CCSER1: variants seen among roughly 807,000 people sequenced by gnomAD.
The protein encoded by CCSER1 is coiled-coil serine rich protein 1.
A neutral mutation model predicts 82.0 loss-of-function variants in CCSER1; 41 were observed. The ratio of observed to expected loss-of-function variants is 0.50; its 90% CI spans 0.39 to 0.65. CCSER1 has a LOEUF of 0.65. CCSER1 is among the 30% of genes least tolerant of loss of function. CCSER1 has a pLI of 0.00. For synonymous variants in CCSER1, 414 were observed against 383.9 expected (o/e 1.08, Z -0.92); for missense variants, 1,119 against 1,064.2 (o/e 1.05, Z -0.72).
chr4:91,328,733 A>G lies in CCSER1; in HGVS notation c.2217+242739A>G, dbSNP rs764106526. Reference sequence around the variant, plus strand: ...ACCTGGGAATGTAGACACAATGCATATTTATTTTATTTTGTATGTTATTAT... The same window carrying G: ...ACCTGGGAATGTAGACACAATGCATGTTTATTTTATTTTGTATGTTATTAT... On this transcript the variant is annotated intron_variant, in intron 10 of 10. Transcript: ENST00000509176. 7.2e-4 allele frequency among the ~76,000 whole-genome samples: 110 copies of G among 152,128 alleles called. 2 individuals are homozygous for G. The highest frequency in any genetic ancestry group is 5.9e-4 in the Admixed American group (9 of 15,266).
intron 10 of CCSER1, among the ~76,000 whole-genome samples, chr4:91,466,367 G>A (rs1429095071): frequency 2.0e-5 from 3 of 152,074 alleles, no homozygotes; most frequent in African/African-American, 7.2e-5. Context: ...AATAATAAGA[G>A]CTATTTGTGA....
At chr4:90,607,701 T>G (rs1249382876) in intron 5 of CCSER1, among the ~76,000 whole-genome samples, 1 of 152,206 alleles carries the variant, frequency 6.6e-6, no homozygotes, top group African/African-American at 2.4e-5. Flanking sequence ...CAATGACTCT[T>G]TTCCCAAATA....
intron 8 of CCSER1, among the ~76,000 whole-genome samples, chr4:90,860,439 T>G (rs1764950317): frequency 6.6e-6 from 1 of 151,642 alleles, no homozygotes; most frequent in Non-Finnish European, 1.5e-5. Flanking sequence ...GGAAAAAGTT[T>G]TAATTTTTAA....
intron 4 of CCSER1, among the ~76,000 whole-genome samples, chr4:90,439,360 C>G (rs896910056): frequency 5.9e-5 from 9 of 152,084 alleles, no homozygotes; most frequent in African/African-American, 2.2e-4. Context: ...ACACGCATTT[C>G]TAATTTTATT....
chr4:90,132,275 A>G (rs1449280453), intron 1 of CCSER1, among the ~76,000 whole-genome samples: 4 of 152,146 alleles, frequency 2.6e-5, no homozygotes, highest in South Asian at 4.1e-4. Flanking sequence ...CGATAATGTA[A>G]TCTCGTCCAC....
At chr4:90,343,511 G>T (rs1199328565) in intron 3 of CCSER1, among the ~76,000 whole-genome samples, 1 of 152,176 alleles carries the variant, frequency 6.6e-6, no homozygotes, top group Non-Finnish European at 1.5e-5. Flanking sequence ...CAGCTCCTCA[G>T]GAGGCTGAGG....
chr4:90,408,655 A>T (rs1754148131), intron 4 of CCSER1, among the ~76,000 whole-genome samples: 1 of 152,298 alleles, frequency 6.6e-6, no homozygotes, highest in South Asian at 2.1e-4. Context: ...TCAAAGACCA[A>T]AGGTAGATAA....
intron 7 of CCSER1, among the ~76,000 whole-genome samples, chr4:90,799,015 C>T (rs1756422501): frequency 6.6e-6 from 1 of 152,200 alleles, no homozygotes; most frequent in African/African-American, 2.4e-5. Context: ...GCAGCTGCAG[C>T]AGAGTGCCAG....
chr4:91,103,750 G>T (rs936007873), intron 10 of CCSER1, among the ~76,000 whole-genome samples: 1 of 152,034 alleles, frequency 6.6e-6, no homozygotes, highest in Non-Finnish European at 1.5e-5. Flanking sequence ...ATTGTAAAAC[G>T]TGTGTTTGAA....
chr4:91,515,844 T>C (rs1451592859), intron 10 of CCSER1, among the ~76,000 whole-genome samples: 1 of 148,692 alleles, frequency 6.7e-6, no homozygotes, highest in Non-Finnish European at 1.5e-5. Context: ...CCTTTTTCTC[T>C]GCAATCTTGC....
intron 10 of CCSER1, among the ~76,000 whole-genome samples, chr4:91,468,101 C>G (rs1757034758): frequency 6.6e-6 from 1 of 152,080 alleles, no homozygotes; most frequent in Non-Finnish European, 1.5e-5. Flanking sequence ...TGGAACCAAC[C>G]CAAATGTCCA....
At chr4:90,140,311 G>T (rs1434510989) in intron 1 of CCSER1, among the ~76,000 whole-genome samples, 1 of 152,118 alleles carries the variant, frequency 6.6e-6, no homozygotes, top group African/African-American at 2.4e-5. Flanking sequence ...CATTTGTGTT[G>T]TGTAAATATA....
chr4:90,232,878 C>A lies in CCSER1; in HGVS notation c.-41-75366C>A, dbSNP rs1183278830. 2.2e-3 allele frequency among the ~76,000 whole-genome samples: 341 copies of A among 151,838 alleles called. 1 individual carries two copies. Among genetic ancestry groups the A allele is most frequent in the African/African-American group, 7.7e-3 (319 of 41,390 alleles). ...GCCAAAAACCACATGAAAAAATGCT[C>A]ACCATCACTGGCCATCAGAGAAATG... On this transcript the variant is annotated intron_variant, in intron 1 of 10. Transcript: ENST00000509176.
intron 10 of CCSER1, among the ~76,000 whole-genome samples, chr4:91,342,059 C>T (rs553315444): frequency 6.6e-6 from 1 of 152,186 alleles, no homozygotes; most frequent in South Asian, 2.1e-4. Context: ...GTATTTCTGT[C>T]ACCTGTTTTG....
chr4:91,388,296 G>A (rs1301428112), intron 10 of CCSER1, among the ~76,000 whole-genome samples: 1 of 152,010 alleles, frequency 6.6e-6, no homozygotes, highest in Non-Finnish European at 1.5e-5. Context: ...TTATAAATAA[G>A]TCAATAGCTG....
chr4:91,108,808 C>T (rs1725853299), intron 10 of CCSER1, among the ~76,000 whole-genome samples: 1 of 152,162 alleles, frequency 6.6e-6, no homozygotes, highest in Non-Finnish European at 1.5e-5. Context: ...GTCAACTTGA[C>T]TAGATCAAGG....
chr4:90,589,273 CAT>C (rs1782409406), intron 5 of CCSER1, among the ~76,000 whole-genome samples: 1 of 151,892 alleles, frequency 6.6e-6, no homozygotes, highest in African/African-American at 2.4e-5. Context: ...TTTTCTATCA[CAT>C]GTTGAAAATT....
chr4:90,340,656 C>T (rs1317308448), intron 3 of CCSER1, among the ~76,000 whole-genome samples: 1 of 152,084 alleles, frequency 6.6e-6, no homozygotes, highest in African/African-American at 2.4e-5. Flanking sequence ...TTTAACATGA[C>T]AACTTTTCTG....
intron 10 of CCSER1, among the ~76,000 whole-genome samples, chr4:91,521,637 T>G (rs866195166): frequency 6.6e-6 from 1 of 152,246 alleles, no homozygotes; most frequent in African/African-American, 2.4e-5. Context: ...CCAGTGATGA[T>G]GAGCATTCTT....
Sources: allele counts gnomAD v4.1 joint callset (sites outside exome capture counted in the v4.1 genomes callset), GRCh38; gene constraint gnomAD v4.1.1; transcripts MANE v1.5; gene names NCBI Gene and HGNC (gene_info 2026-07-23, HGNC 2026-07-21).